Variants in CENPP observed in about 807,000 individuals in gnomAD.
CENPP encodes centromere protein P.
Under a neutral mutation model 35.6 loss-of-function variants are expected in CENPP, and 24 were observed. That is an observed-to-expected ratio of 0.67 (90% CI 0.49 to 0.95). The LOEUF is 0.95. Ranked by LOEUF, CENPP falls within the 40% of genes least tolerant of loss-of-function variation. The pLI, the probability that CENPP is intolerant of heterozygous loss-of-function variation, is 0.00. For synonymous variants in CENPP, 120 were observed against 125.5 expected (o/e 0.96, Z 0.29); for missense variants, 332 against 345.3 (o/e 0.96, Z 0.31).
chr9:92,486,209 C>T (rs527642842), intron 5 of CENPP, among the ~76,000 whole-genome samples: 3 of 152,190 alleles, frequency 2.0e-5, no homozygotes, highest in African/African-American at 7.2e-5. Context: ...TTCTAGGCCA[C>T]TGAATTCTAG....
chr9:92,389,114 A>G (rs937978770), intron 5 of CENPP, among the ~76,000 whole-genome samples: 1 of 152,304 alleles, frequency 6.6e-6, no homozygotes, highest in East Asian at 1.9e-4. Flanking sequence ...CTTTAGAAGC[A>G]AGAAACCTTG....
intron 5 of CENPP, among the ~76,000 whole-genome samples, chr9:92,395,153 A>G (rs980248755): frequency 6.6e-6 from 1 of 152,078 alleles, no homozygotes; most frequent in Non-Finnish European, 1.5e-5. Context: ...TAATTAACAT[A>G]CCTGTCACTC....
In CENPP at chr9:92,619,454, C is replaced by A. The variant is rs1204241102; in HGVS notation, c.*6305C>A. 3 of 1,539,726 alleles carry A rather than the reference C, an allele frequency of 1.9e-6. No homozygotes were observed. Among genetic ancestry groups the A allele is most frequent in the Middle Eastern group, 1.7e-4 (1 of 5,974 alleles). ...AACTGTCCATAAAACCCCGTTAGAC[C>A]CAGGCTGCATGCCTTGCAGTGGGGG... On this transcript the variant is annotated 3_prime_UTR_variant, in exon 8 of 8. Transcript: ENST00000375587.
intron 5 of CENPP, among the ~76,000 whole-genome samples, chr9:92,590,352 C>G (rs1225714415): frequency 6.6e-6 from 1 of 152,104 alleles, no homozygotes; most frequent in Non-Finnish European, 1.5e-5. Context: ...AATAAAGAAT[C>G]CTCTTTCTAT....
At chr9:92,442,798 G>A (rs1844450543) in intron 5 of CENPP, among the ~76,000 whole-genome samples, 1 of 151,106 alleles carries the variant, frequency 6.6e-6, no homozygotes, top group African/African-American at 2.4e-5. Flanking sequence ...GCAGTGAGCC[G>A]AGATCACGCC....
At chr9:92,451,240 T>G (rs1844700502) in intron 5 of CENPP, among the ~76,000 whole-genome samples, 1 of 150,298 alleles carries the variant, frequency 6.7e-6, no homozygotes, top group Non-Finnish European at 1.5e-5. Context: ...GTCTAACGTT[T>G]AAGTCTTTAA....
intron 5 of CENPP, chr9:92,417,356 C>T: frequency 1.2e-6 from 2 of 1,614,020 alleles, no homozygotes; most frequent in Non-Finnish European, 1.7e-6. Flanking sequence ...GTTAGTTGGA[C>T]AGAAGCATTC....
rs145436873 is a variant in CENPP at position 92,554,300 on chromosome 9, C to T, written c.565-57014C>T. On this transcript the variant is annotated intron_variant, in intron 5 of 7. Transcript: ENST00000375587. ...CCAGGTTCAAGTGATTCTCCTGCCT[C>T]AGCTTCCCCAGTAGCTGGGATTACA... 7.2e-3 allele frequency among the ~76,000 whole-genome samples: 1,098 copies of T among 152,050 alleles called. 14 individuals carry two copies. The highest frequency in any genetic ancestry group is 0.025 in the African/African-American group (1,022 of 41,458).
At chr9:92,463,601 GTCC>G (rs1845195280) in intron 5 of CENPP, among the ~76,000 whole-genome samples, 1 of 152,170 alleles carries the variant, frequency 6.6e-6, no homozygotes, top group African/African-American at 2.4e-5. Context: ...CCTGTAGGCT[GTCC>G]TCCTCTCCTC....
chr9:92,464,960 T>A, intron 5 of CENPP: 1 of 1,614,030 alleles, frequency 6.2e-7, no homozygotes, highest in Non-Finnish European at 8.5e-7. Flanking sequence ...AATTCTGATA[T>A]GGAACACCGT....
At chr9:92,343,792 A>AT (rs979403445) in intron 3 of CENPP, among the ~76,000 whole-genome samples, 1 of 151,886 alleles carries the variant, frequency 6.6e-6, no homozygotes, top group Non-Finnish European at 1.5e-5. Context: ...AAAAATATAT[A>AT]TTTTTTTAAA....
chr9:92,618,884 G>C lies in CENPP; in HGVS notation c.*5735G>C. On this transcript the variant is annotated 3_prime_UTR_variant, in exon 8 of 8. Transcript: ENST00000375587. ...AACATTCCGCAAATACTGGGTGCAG[G>C]GTTTAGCACCCCTGAAGATCGGTGA... 4 of 329,846 alleles carry C rather than the reference G, an allele frequency of 1.2e-5. No individual in the cohort carries two copies. Among genetic ancestry groups the C allele is most frequent in the Non-Finnish European group, 2.4e-5 (4 of 168,646 alleles). The allele number at this position is 329,846 out of a possible 1,614,324, so 20.4% of individuals were successfully genotyped here. A position where few individuals can be genotyped will look rare whatever the true frequency, so the allele number is the denominator to read the frequency against.
intron 4 of CENPP, among the ~76,000 whole-genome samples, chr9:92,372,297 T>C (rs1187350573): frequency 3.3e-5 from 5 of 151,998 alleles, no homozygotes; most frequent in African/African-American, 1.2e-4. Context: ...GTGGATAATA[T>C]GTTTGAATCC....
chr9:92,370,847 A>G (rs879935517), intron 4 of CENPP, among the ~76,000 whole-genome samples: 2 of 152,090 alleles, frequency 1.3e-5, no homozygotes, highest in East Asian at 1.9e-4. Flanking sequence ...TTCTGATTCA[A>G]TCTTGGTATG....
At chr9:92,527,494 T>C (rs1213558610) in intron 5 of CENPP, among the ~76,000 whole-genome samples, 1 of 152,212 alleles carries the variant, frequency 6.6e-6, no homozygotes, top group East Asian at 1.9e-4. Flanking sequence ...AACAAAATCA[T>C]GTAACATCAC....
At chr9:92,359,580 T>A (rs983965730) in intron 4 of CENPP, among the ~76,000 whole-genome samples, 1 of 152,044 alleles carries the variant, frequency 6.6e-6, no homozygotes, top group Non-Finnish European at 1.5e-5. Flanking sequence ...TGTTCGGCTC[T>A]TAGAAAGGGG....
intron 5 of CENPP, among the ~76,000 whole-genome samples, chr9:92,421,748 C>T (rs1157720460): frequency 2.0e-5 from 3 of 152,108 alleles, no homozygotes; most frequent in Non-Finnish European, 2.9e-5. Context: ...ATGAAGAAGA[C>T]GTGAAGCCAT....
chr9:92,526,777 T>TA (rs556343494), intron 5 of CENPP, among the ~76,000 whole-genome samples: 61 of 152,112 alleles, frequency 4.0e-4, no homozygotes, highest in Middle Eastern at 3.4e-3. Flanking sequence ...ATTGAAGAAA[T>TA]AAAAAAACTT....
At chr9:92,454,540 T>C (rs1015420936) in intron 5 of CENPP, among the ~76,000 whole-genome samples, 3 of 152,210 alleles carry the variant, frequency 2.0e-5, no homozygotes, top group Non-Finnish European at 4.4e-5. Context: ...TAGAAAAATT[T>C]ATTTTGTTTA....
Sources: allele counts gnomAD v4.1 joint callset (sites outside exome capture counted in the v4.1 genomes callset), GRCh38; gene constraint gnomAD v4.1.1; transcripts MANE v1.5; gene names NCBI Gene and HGNC (gene_info 2026-07-23, HGNC 2026-07-21).